Variants in CELF2 observed in about 807,000 individuals in gnomAD.
CELF2 encodes CUGBP Elav-like family member 2.
Under a neutral mutation model 62.6 loss-of-function variants are expected in CELF2, and 8 were observed. The ratio of observed to expected loss-of-function variants is 0.13; its 90% CI spans 0.07 to 0.23. CELF2 has a LOEUF of 0.23. Among genes scored for constraint, CELF2 ranks in the 10% least tolerant of loss-of-function variants. CELF2 has a pLI of 1.00. For synonymous variants in CELF2, 258 were observed against 250.0 expected, an observed-to-expected ratio of 1.03 and a Z score of -0.30; for missense variants, 333 against 671.0, an observed-to-expected ratio of 0.50 and a Z score of 5.56.
chr10:10,582,788 G>C, the CELF2 span, among the ~76,000 whole-genome samples: 1 of 152,156 alleles, frequency 6.6e-6, no homozygotes, highest in Non-Finnish European at 1.5e-5. Context: ...GGAGCTCCCA[G>C]GTCATGACCT....
chr10:11,305,036 C>T lies in CELF2; in HGVS notation c.977-9103C>T, dbSNP rs1238283055. ...GGGAATGCCTTTGTCAAACACGCAT[C>T]GGCATCTTCTGGTTCAACTCGGTGC... On this transcript the variant is annotated intron_variant, in intron 9 of 12. Transcript: ENST00000633077. This position sits in a 1 kb window ranked among gnomAD's most constrained non-coding sequence, Gnocchi z 4.8. Among the ~76,000 whole-genome samples, 1 of 143,606 alleles carries T rather than the reference C, an allele frequency of 7.0e-6. No individual in the cohort carries two copies. The highest frequency in any genetic ancestry group is 2.2e-4 in the East Asian group (1 of 4,540). 94.2% of individuals were successfully genotyped at this position (143,606 alleles called of 152,430 possible).
chr10:10,658,603 A>T, the CELF2 span, among the ~76,000 whole-genome samples: 1 of 152,218 alleles, frequency 6.6e-6, no homozygotes, highest in Admixed American at 6.5e-5. Flanking sequence ...TTTTATCATC[A>T]AAGTATTTTA....
chr10:11,001,411 A>G (rs754464980), upstream of CELF2, among the ~76,000 whole-genome samples: 2 of 152,202 alleles, frequency 1.3e-5, no homozygotes, highest in South Asian at 2.1e-4. Flanking sequence ...GATACTTTCT[A>G]TTACTTTTGC....
chr10:11,073,965 T>C (rs2071012314), intron 1 of CELF2, among the ~76,000 whole-genome samples: 1 of 152,238 alleles, frequency 6.6e-6, no homozygotes, highest in South Asian at 2.1e-4. Flanking sequence ...ACTTGGAAGC[T>C]TTGAATTTGA....
rs1024479174 is a variant in CELF2, at chr10:11,318,022, A to G, written c.1097-3167A>G. 6.6e-6 allele frequency: 1 copy of G among 152,224 alleles called. No homozygotes were observed. Among genetic ancestry groups the G allele is most frequent in the African/African-American group, 2.4e-5 (1 of 41,456 alleles). 9.4% of individuals were successfully genotyped at this position (152,224 alleles called of 1,614,324 possible). A position where few individuals can be genotyped will look rare whatever the true frequency, so the allele number is the denominator to read the frequency against. On this transcript the variant is annotated intron_variant, in intron 10 of 12. Coordinates refer to ENST00000633077, the MANE Select transcript of CELF2 (RefSeq NM_001326342.2). The surrounding 1 kb of genome is among the most constrained non-coding windows in gnomAD (Gnocchi z 5.4). ...AAGTGGAAGCATTTTATTCAACTTG[A>G]CTTTCTTCACAGCTCTGCTTCTGTT...
the CELF2 span, among the ~76,000 whole-genome samples, chr10:10,611,328 C>T: frequency 6.6e-6 from 1 of 152,156 alleles, no homozygotes; most frequent in South Asian, 2.1e-4. Context: ...TAACTTCCTT[C>T]CTTATCTTAC....
the CELF2 span, among the ~76,000 whole-genome samples, chr10:10,622,277 G>A: frequency 4.6e-5 from 7 of 152,140 alleles, no homozygotes; most frequent in Admixed American, 2.0e-4. Context: ...ACTCAGCAGA[G>A]GATTCATCAC....
the CELF2 span, among the ~76,000 whole-genome samples, chr10:10,676,194 TTCTCCTTCCTTAG>T: frequency 2.0e-5 from 3 of 152,168 alleles, no homozygotes; most frequent in African/African-American, 7.2e-5. Context: ...CTCATTTTAT[TTCTCCTTCCTTAG>T]GTGAGACAGG....
At chr10:10,611,729 TACTC>T in the CELF2 span, among the ~76,000 whole-genome samples, 10 of 152,198 alleles carry the variant, frequency 6.6e-5, no homozygotes, top group African/African-American at 2.4e-4. Flanking sequence ...TACACTCAAA[TACTC>T]ACACACACCT....
Position 11,333,890 on chromosome 10 carries a change from TA to T in CELF2, c.*4847del, listed in dbSNP as rs147709349. On this transcript the variant is annotated 3_prime_UTR_variant, in exon 13 of 13. Transcript: ENST00000633077. The stretch of plus-strand genomic sequence containing the variant: ...CAGTGGAACTTTTTATACTGGAGAT[TA>T]AAAAAAAAATGGAAATTTTTGTGGC... 30 of 149,822 alleles carry T rather than the reference TA, an allele frequency of 2.0e-4. No homozygotes were observed. The highest frequency in any genetic ancestry group is 3.3e-4 in the Admixed American group (5 of 15,020). 9.3% of individuals were successfully genotyped at this position (149,822 alleles called of 1,614,324 possible).
intron 1 of CELF2, among the ~76,000 whole-genome samples, chr10:10,819,593 A>T (rs2056787196): frequency 6.6e-6 from 1 of 152,060 alleles, no homozygotes; most frequent in Admixed American, 6.6e-5. Context: ...GAGAGAGAAC[A>T]TCCACTGGTT....
At chr10:10,773,794 G>A in the CELF2 span, among the ~76,000 whole-genome samples, 2 of 152,110 alleles carry the variant, frequency 1.3e-5, no homozygotes, top group African/African-American at 2.4e-5. Context: ...GTCTCTGACT[G>A]TTCTCCCTCC....
At chr10:10,984,921 A>G (rs924765093) in intron 2 of CELF2, among the ~76,000 whole-genome samples, 1 of 152,176 alleles carries the variant, frequency 6.6e-6, no homozygotes, top group Non-Finnish European at 1.5e-5. Flanking sequence ...TTAAAAGCCA[A>G]CAGGGACCAG....
the CELF2 span, among the ~76,000 whole-genome samples, chr10:10,553,987 T>C: frequency 7.2e-5 from 11 of 152,072 alleles, 1 homozygote; most frequent in Admixed American, 1.3e-4. Flanking sequence ...TTTGAGAAGA[T>C]TGTCTTGGCC....
chr10:11,155,841 T>C (rs969421297), intron 1 of CELF2, among the ~76,000 whole-genome samples: 1 of 152,246 alleles, frequency 6.6e-6, no homozygotes, highest in Non-Finnish European at 1.5e-5. Context: ...GCTGCCTTCC[T>C]TAGCCTGGCG....
chr10:11,010,415 C>T lies in CELF2; in HGVS notation c.53+4975C>T, dbSNP rs982632859. The stretch of plus-strand genomic sequence containing the variant: ...ACTGGCCTTCTCTCTTCCTTTCCAA[C>T]TGCCCGTTGTAGGTTTTAACAAAGA... On this transcript the variant is annotated intron_variant, in intron 1 of 12. Transcript: ENST00000416382. The surrounding 1 kb of genome is among the most constrained non-coding windows in gnomAD (Gnocchi z 4.1). Among the ~76,000 whole-genome samples the T allele has an allele frequency of 6.6e-6, 1 of 152,188 alleles. No homozygotes were observed. Among genetic ancestry groups the T allele is most frequent in the African/African-American group, 2.4e-5 (1 of 41,444 alleles).
chr10:10,676,553 A>G, the CELF2 span, among the ~76,000 whole-genome samples: 3 of 152,326 alleles, frequency 2.0e-5, no homozygotes, highest in East Asian at 5.8e-4. Context: ...TCCTGCAGGT[A>G]AAATTCACAA....
At position 11,159,822 on chromosome 10, in the gene CELF2, T is replaced by C. The variant is rs1243814372; in HGVS notation, c.75-5664T>C. On this transcript the variant is annotated intron_variant, in intron 1 of 12. Coordinates refer to ENST00000633077, the MANE Select transcript of CELF2 (RefSeq NM_001326342.2). This position sits in a 1 kb window ranked among gnomAD's most constrained non-coding sequence, Gnocchi z 5.0. ...GCCTGTTTCTTCGTGTGCTATTACT[T>C]AAGTACAAGTGATATTTAAAAATGA... 1.3e-5 allele frequency among the ~76,000 whole-genome samples: 2 copies of C among 152,250 alleles called. No homozygotes were observed. The highest frequency in any genetic ancestry group is 4.8e-5 in the African/African-American group (2 of 41,466).
intron 1 of CELF2, among the ~76,000 whole-genome samples, chr10:10,917,003 G>A (rs984979251): frequency 6.6e-6 from 1 of 151,372 alleles, no homozygotes; most frequent in African/African-American, 2.4e-5. Flanking sequence ...TTTTTCTTAA[G>A]TGACTTGTCA....
Sources: gnomAD v4.1 joint callset for allele counts (sites outside exome capture counted in the v4.1 genomes callset) on GRCh38, gnomAD v4.1.1 for gene constraint, Gnocchi (gnomAD v3.1) non-coding constraint, MANE v1.5 for transcripts, NCBI Gene and HGNC (gene_info 2026-07-23, HGNC 2026-07-21) for gene names.